ENPP1: variants seen among roughly 807,000 people sequenced by gnomAD.
The protein encoded by ENPP1 is ectonucleotide pyrophosphatase/phosphodiesterase family member 1.
ENPP1 carries 73 observed loss-of-function variants against 122.8 expected under a neutral mutation model. The observed-to-expected ratio is 0.59, with a 90% CI of 0.49 to 0.72. ENPP1 has a LOEUF of 0.72. ENPP1 is among the 30% of genes least tolerant of loss of function. ENPP1 has a pLI of 0.00. For synonymous variants in ENPP1, 367 were observed against 391.6 expected (o/e 0.94, Z 0.74); for missense variants, 978 against 1,128.1 (o/e 0.87, Z 1.91).
rs763219472 is a variant in ENPP1, at chr6:131,860,426, A to G, written c.835A>G (p.Met279Val). 5 of 1,597,196 alleles carry G rather than the reference A, an allele frequency of 3.1e-6. No homozygotes were observed. ...PESHGIIDNK[M>V]YDPKMNASFS... is the part of the protein sequence containing the mutation. ...ATCTCATGGCATAATCGACAATAAA[A>G]TGTATGATCCCAAAATGAATGCTTC... The change falls in exon 8 of 25, where the codon ATG (methionine) becomes GTG (valine). Residue 279 changes from methionine (M) to valine (V), a missense_variant. Physicochemically the swap from Met to Val is conservative, Grantham distance 21. Around this residue, in one of 3 missense-constraint regions of ENPP1, gnomAD observed 644 missense variants for 781.5 expected, o/e 0.82. Transcript: ENST00000647893.
At position 131,860,446 on chromosome 6, in the gene ENPP1, T is replaced by A. The variant is rs754997713; in HGVS notation, c.855T>A (p.Asn285Lys). 3.2e-6 allele frequency: 5 copies of A among 1,582,068 alleles called. No individual in the cohort carries two copies. Among genetic ancestry groups the A allele is most frequent in the Middle Eastern group, 1.7e-4 (1 of 5,742 alleles). Residue 285 changes from asparagine to lysine, a missense_variant, in exon 8 of 25, where the codon AAT (asparagine) becomes AAA (lysine). By Grantham distance (94) the Asn-to-Lys change is moderately conservative. Coordinates refer to ENST00000647893, the MANE Select transcript of ENPP1 (RefSeq NM_006208.3). The part of the protein sequence containing the change: ...IDNKMYDPKM[N>K]ASFSLKSKEK... Reference sequence around the variant, plus strand: ...ATAAAATGTATGATCCCAAAATGAATGCTTCCTTTTCACTTAAAAGTAAAG... The same window carrying A: ...ATAAAATGTATGATCCCAAAATGAAAGCTTCCTTTTCACTTAAAAGTAAAG...
chr6:131,819,221 A>G (rs947568858), intron 1 of ENPP1, among the ~76,000 whole-genome samples: 3 of 152,250 alleles, frequency 2.0e-5, no homozygotes, highest in Non-Finnish European at 4.4e-5. Flanking sequence ...TTCAAAGTGC[A>G]AGATAGACTA....
At chr6:131,843,771 C>G (rs949433103) in intron 1 of ENPP1, among the ~76,000 whole-genome samples, 2 of 150,992 alleles carry the variant, frequency 1.3e-5, no homozygotes, top group Non-Finnish European at 2.9e-5. Context: ...GCTGGAGGGT[C>G]TTTTTACTCT....
chr6:131,877,866 A>AAAAAT (rs1562183349), intron 18 of ENPP1: 13 of 53,026 alleles, frequency 2.5e-4, no homozygotes, highest in East Asian at 5.8e-4. Flanking sequence ...AAAAAAAAAA[A>AAAAAT]ATATATATAT....
chr6:131,835,192 T>C lies in ENPP1; in HGVS notation c.241-12584T>C, dbSNP rs568535398. ...CTGGAATTTTAATGTGTAATTTACT[T>C]ACAGTTTAAGTGGTAAAATATGAAT... On this transcript the variant is annotated intron_variant, in intron 1 of 24. Transcript: ENST00000647893. 3.3e-5 allele frequency among the ~76,000 whole-genome samples: 5 copies of C among 152,354 alleles called. No individual in the cohort carries two copies. The East Asian group carries it at 9.6e-4, about 29-fold the overall frequency.
At chr6:131,855,602 A>G (rs1255017535) in intron 6 of ENPP1, among the ~76,000 whole-genome samples, 1 of 152,252 alleles carries the variant, frequency 6.6e-6, no homozygotes. Context: ...CTAGGATTAC[A>G]GGCGTGAGCC....
intron 1 of ENPP1, among the ~76,000 whole-genome samples, chr6:131,842,967 C>A (rs982318742): frequency 6.6e-6 from 1 of 152,108 alleles, no homozygotes; most frequent in Non-Finnish European, 1.5e-5. Context: ...AAGCAGGAAA[C>A]TCCAAATATT....
At chr6:131,879,382 A>C (rs1782273258) in intron 19 of ENPP1, among the ~76,000 whole-genome samples, 1 of 151,620 alleles carries the variant, frequency 6.6e-6, no homozygotes, top group South Asian at 2.1e-4. Context: ...ATTCATAGGG[A>C]AATGTAAAAA....
intron 1 of ENPP1, among the ~76,000 whole-genome samples, chr6:131,829,656 A>G (rs1174750247): frequency 3.9e-5 from 6 of 152,252 alleles, no homozygotes; most frequent in Non-Finnish European, 8.8e-5. Context: ...CAAAAGTGTT[A>G]GAAGAGCTAA....
chr6:131,893,388 C>T lies in ENPP1; in HGVS notation c.*2877C>T, dbSNP rs937158932. On this transcript the variant is annotated 3_prime_UTR_variant, in exon 25 of 25. Transcript: ENST00000647893. Reference sequence around the variant, plus strand: ...GGTGCCAGGCTGCACAAAAGAGACACTGGATGCTTCTTGGTAGTAGAGGCA... The same window carrying T: ...GGTGCCAGGCTGCACAAAAGAGACATTGGATGCTTCTTGGTAGTAGAGGCA... 3 of 152,278 alleles carry T rather than the reference C, an allele frequency of 2.0e-5. No homozygotes were observed. The highest frequency in any genetic ancestry group is 2.0e-4 in the Admixed American group (3 of 15,286). The allele number at this position is 152,278 out of a possible 1,614,324, so 9.4% of individuals were successfully genotyped here. A position where few individuals can be genotyped will look rare whatever the true frequency, so the allele number is the denominator to read the frequency against.
chr6:131,845,139 A>G (rs543604742), intron 1 of ENPP1, among the ~76,000 whole-genome samples: 38 of 134,278 alleles, frequency 2.8e-4, no homozygotes, highest in Non-Finnish European at 5.2e-4. Flanking sequence ...GCTCACTGCA[A>G]CCTCTGCCTC....
rs752973066 is a variant in ENPP1 at position 131,869,363 on chromosome 6, G to C, written c.1279G>C (p.Glu427Gln). ...NLILISDHGM[E>Q]QGSCKKYIYL... ...GGATTTTTTTTTTCTCCTAGGCATG[G>C]AACAAGGCAGTTGTAAGAAATACAT... is the stretch of plus-strand genomic sequence containing the variant. The change falls in exon 13 of 25, where the codon GAA becomes CAA. Residue 427 changes from glutamate to glutamine, a missense_variant. Glu to Gln is a conservative substitution (Grantham distance 29). Coordinates refer to ENST00000647893, the MANE Select transcript of ENPP1 (RefSeq NM_006208.3). The C allele has an allele frequency of 2.5e-6, 4 of 1,613,020 alleles. No individual in the cohort carries two copies. The African/African-American group carries it at 4.0e-5, about 16-fold the overall frequency.
At chr6:131,816,234 C>G (rs73780760) in intron 1 of ENPP1, among the ~76,000 whole-genome samples, 4,388 of 151,544 alleles carry the variant, frequency 0.029, 201 homozygotes, top group East Asian at 0.25. Flanking sequence ...TTTATAACTT[C>G]TTTTTTTTTC....
chr6:131,847,791 G>A lies in ENPP1; in HGVS notation c.256G>A (p.Val86Met), dbSNP rs767435808. ...CTCCCTACAGGTATTGTCAGTATGTGTGTTAACAACAATACTTGGTTGTAT... is the reference window on the plus strand; with the variant it reads ...CTCCCTACAGGTATTGTCAGTATGTATGTTAACAACAATACTTGGTTGTAT... ...KVLSLVLSVCVLTTILGCIFG... is the reference protein window; with the variant it reads ...KVLSLVLSVCMLTTILGCIFG... Residue 86 changes from valine to methionine, a missense_variant, in exon 2 of 25, where the codon GTG becomes ATG. Physicochemically the swap from Val to Met is conservative, Grantham distance 21. Coordinates refer to ENST00000647893, the MANE Select transcript of ENPP1 (RefSeq NM_006208.3). 1.9e-6 allele frequency: 3 copies of A among 1,610,170 alleles called. No individual in the cohort carries two copies. The highest frequency in any genetic ancestry group is 2.2e-5 in the East Asian group (1 of 44,874).
chr6:131,832,283 C>T (rs924772506), intron 1 of ENPP1, among the ~76,000 whole-genome samples: 13 of 152,000 alleles, frequency 8.6e-5, no homozygotes, highest in African/African-American at 3.1e-4. Context: ...CTTACATAAA[C>T]CTTTGTGCCT....
intron 23 of ENPP1, 36 bp from the exon 24 acceptor site, chr6:131,886,522 GTTAT>G (rs1782379344): frequency 6.9e-7 from 1 of 1,457,732 alleles, no homozygotes; most frequent in Admixed American, 1.7e-5. Flanking sequence ...AAGGAAGATA[GTTAT>G]TTCTTTCTTA....
chr6:131,867,371 G>A (rs889285791), intron 11 of ENPP1, among the ~76,000 whole-genome samples: 2 of 152,152 alleles, frequency 1.3e-5, no homozygotes, highest in African/African-American at 2.4e-5. Flanking sequence ...CCAGAAAGCA[G>A]TTTGCCAATA....
At chr6:131,855,535 A>G (rs1007582608) in intron 6 of ENPP1, among the ~76,000 whole-genome samples, 1 of 152,148 alleles carries the variant, frequency 6.6e-6, no homozygotes, top group Non-Finnish European at 1.5e-5. Flanking sequence ...CATGTTGCTC[A>G]GGCTGGTCTC....
intron 13 of ENPP1, among the ~76,000 whole-genome samples, chr6:131,871,343 G>A (rs1004447666): frequency 6.6e-6 from 1 of 152,182 alleles, no homozygotes; most frequent in Non-Finnish European, 1.5e-5. Context: ...AGTACCCTAT[G>A]TAAATCCATG....
Sources: gnomAD v4.1 joint callset for allele counts (sites outside exome capture counted in the v4.1 genomes callset) on GRCh38, gnomAD v4.1.1 for gene constraint, gnomAD v4.1.1 regional missense constraint, MANE v1.5 for transcripts, NCBI Gene and HGNC (gene_info 2026-07-23, HGNC 2026-07-21) for gene names.